The following YAP1 variants were observed in gnomAD, a reference collection of about 807,000 sequenced individuals.
YAP1 encodes transcriptional coactivator YAP1.
YAP1 carries 5 observed loss-of-function variants against 56.9 expected under a neutral mutation model. The ratio of observed to expected loss-of-function variants is 0.09; its 90% confidence interval spans 0.05 to 0.18. The LOEUF (loss-of-function observed/expected upper bound fraction) is 0.18. Among genes scored for constraint, YAP1 ranks in the 10% least tolerant of loss-of-function variants. The pLI is 1.00. For synonymous variants in YAP1, 265 were observed against 248.1 expected, an observed-to-expected ratio of 1.07 and a Z score of -0.64; for missense variants, 539 against 651.8, an observed-to-expected ratio of 0.83 and a Z score of 1.88.
At chr11:102,149,130 A>C (rs1947222261) in intron 2 of YAP1, among the ~76,000 whole-genome samples, 1 of 152,228 alleles carries the variant, frequency 6.6e-6, no homozygotes. Flanking sequence ...AAAACACCAT[A>C]CTGGAGGATT....
At chr11:102,214,499 T>C (rs1332089236) in intron 6 of YAP1, among the ~76,000 whole-genome samples, 2 of 152,170 alleles carry the variant, frequency 1.3e-5, no homozygotes, top group Non-Finnish European at 2.9e-5. Flanking sequence ...ACCATTTTTT[T>C]CCTGAATTTA....
At chr11:102,166,332 G>T (rs565958143) in intron 3 of YAP1, among the ~76,000 whole-genome samples, 59 of 152,150 alleles carry the variant, frequency 3.9e-4, no homozygotes, top group African/African-American at 1.4e-3. Flanking sequence ...TTCCATTTCA[G>T]TGGAAGCCCA....
At chr11:102,190,199 CT>C (rs1046727709) in intron 4 of YAP1, among the ~76,000 whole-genome samples, 1 of 152,064 alleles carries the variant, frequency 6.6e-6, no homozygotes, top group African/African-American at 2.4e-5. Context: ...AGGTTTGAGG[CT>C]TTTTTTCCCC....
chr11:102,211,752 G>A (rs1949413296), intron 6 of YAP1, among the ~76,000 whole-genome samples: 1 of 151,596 alleles, frequency 6.6e-6, no homozygotes, highest in Non-Finnish European at 1.5e-5. Flanking sequence ...CACCCAGGCT[G>A]GAGTGCAGTG....
At chr11:102,222,033 A>G (rs1406332610) in intron 6 of YAP1, among the ~76,000 whole-genome samples, 1 of 152,128 alleles carries the variant, frequency 6.6e-6, no homozygotes, top group African/African-American at 2.4e-5. Flanking sequence ...GGTTTAAAGG[A>G]TGGTATATCC....
intron 3 of YAP1, among the ~76,000 whole-genome samples, chr11:102,174,767 ACTT>A (rs1947138064): frequency 6.6e-6 from 1 of 152,092 alleles, no homozygotes; most frequent in African/African-American, 2.4e-5. Context: ...CAGCGTCTCT[ACTT>A]CTTGAGTCTG....
intron 3 of YAP1, among the ~76,000 whole-genome samples, chr11:102,164,879 C>T (rs533914409): frequency 1.9e-4 from 29 of 152,166 alleles, no homozygotes; most frequent in Non-Finnish European, 3.4e-4. Context: ...TGCGCCACCA[C>T]GCATGGCTAA....
At chr11:102,188,656 G>A (rs560906069) in intron 4 of YAP1, among the ~76,000 whole-genome samples, 9 of 152,204 alleles carry the variant, frequency 5.9e-5, no homozygotes, top group African/African-American at 1.9e-4. Context: ...AGGCTGTACA[G>A]TTCTGTAGCT....
intron 2 of YAP1, among the ~76,000 whole-genome samples, chr11:102,161,120 G>C (rs1310189987): frequency 1.4e-5 from 2 of 138,744 alleles, no homozygotes; most frequent in Non-Finnish European, 3.0e-5. Flanking sequence ...GAGTGCAGTG[G>C]TGCCATCTCG....
chr11:102,156,533 T>G (rs529801759), intron 2 of YAP1, among the ~76,000 whole-genome samples: 1 of 152,324 alleles, frequency 6.6e-6, no homozygotes, highest in African/African-American at 2.4e-5. Context: ...TTTTTTTGCC[T>G]TTTCCCTGTA....
intron 2 of YAP1, among the ~76,000 whole-genome samples, chr11:102,121,891 A>G (rs1421938941): frequency 6.6e-6 from 1 of 152,114 alleles, no homozygotes; most frequent in Non-Finnish European, 1.5e-5. Context: ...TCTACATCCC[A>G]GGCTTGTGTG....
At chr11:102,222,673 T>C (rs572121326) in intron 6 of YAP1, among the ~76,000 whole-genome samples, 5 of 152,320 alleles carry the variant, frequency 3.3e-5, no homozygotes, top group African/African-American at 1.2e-4. Flanking sequence ...GGTTTGTGTT[T>C]TAACTTCTGA....
At chr11:102,181,472 T>A (rs1214369899) in intron 3 of YAP1, among the ~76,000 whole-genome samples, 2 of 151,868 alleles carry the variant, frequency 1.3e-5, no homozygotes, top group Non-Finnish European at 2.9e-5. Flanking sequence ...ATAAATAAAA[T>A]AAAATAATAA....
Position 102,210,288 on chromosome 11 carries a change from C to T in YAP1, c.1032+724C>T, listed in dbSNP as rs563488122. Among the ~76,000 whole-genome samples the T allele has an allele frequency of 2.0e-5, 3 of 152,316 alleles. No homozygotes were observed. The South Asian group carries it at 6.2e-4, about 32-fold the overall frequency. ...TAGAAGAAATTCGGAGCCAGAGGAT[C>T]ATTCTACTTCTCTTGGGGCAGAAGC... On this transcript the variant is annotated intron_variant, in intron 6 of 8. Coordinates refer to ENST00000282441, the MANE Select transcript of YAP1 (RefSeq NM_001130145.3).
intron 4 of YAP1, among the ~76,000 whole-genome samples, chr11:102,191,105 A>G (rs1357750791): frequency 2.0e-5 from 3 of 152,012 alleles, no homozygotes; most frequent in Non-Finnish European, 2.9e-5. Context: ...CCTGGGAGGC[A>G]GAGGTTGCAG....
intron 6 of YAP1, among the ~76,000 whole-genome samples, chr11:102,220,864 G>A (rs544368587): frequency 2.0e-5 from 3 of 152,294 alleles, no homozygotes; most frequent in South Asian, 2.1e-4. Context: ...AGGCGATCCC[G>A]GCATTTCAAC....
At chr11:102,185,438 A>C (rs899426479) in intron 3 of YAP1, among the ~76,000 whole-genome samples, 1 of 152,026 alleles carries the variant, frequency 6.6e-6, no homozygotes, top group Non-Finnish European at 1.5e-5. Flanking sequence ...CCCATTAGCA[A>C]TTTCTGGTCT....
At chr11:102,164,853 G>T (rs1348462228) in intron 3 of YAP1, among the ~76,000 whole-genome samples, 1 of 152,152 alleles carries the variant, frequency 6.6e-6, no homozygotes, top group Non-Finnish European at 1.5e-5. Context: ...CTCCTGAGTA[G>T]CTGGGATTAT....
intron 8 of YAP1, among the ~76,000 whole-genome samples, chr11:102,228,173 C>A (rs1003059916): frequency 6.6e-6 from 1 of 152,066 alleles, no homozygotes; most frequent in Non-Finnish European, 1.5e-5. Flanking sequence ...CCTGTTAGAA[C>A]ATCTCTCTCC....
Sources: gnomAD v4.1 joint callset for allele counts (sites outside exome capture counted in the v4.1 genomes callset) on GRCh38, gnomAD v4.1.1 for gene constraint, MANE v1.5 for transcripts, NCBI Gene and HGNC (gene_info 2026-07-23, HGNC 2026-07-21) for gene names.